The following SNX29 variants were observed in gnomAD, a reference collection of about 807,000 sequenced individuals.
SNX29 encodes the protein sorting nexin 29.
In SNX29, 78 loss-of-function variants were observed where a neutral mutation model predicts 102.1. That is an observed-to-expected ratio of 0.76 (90% CI 0.64 to 0.92). The LOEUF is 0.92. Ranked by LOEUF, SNX29 falls within the 40% of genes least tolerant of loss-of-function variation. The pLI, the probability that SNX29 is intolerant of heterozygous loss-of-function variation, is 0.00. For synonymous variants in SNX29, 580 were observed against 414.5 expected (o/e 1.40, Z -4.85); for missense variants, 1,280 against 1,061.7 (o/e 1.21, Z -2.86).
At chr16:12,368,041 C>CTGT (rs1295102952) in intron 16 of SNX29, among the ~76,000 whole-genome samples, 2 of 152,234 alleles carry the variant, frequency 1.3e-5, no homozygotes, top group South Asian at 4.1e-4. Context: ...ATGCTCCTTG[C>CTGT]TGTTCATGCA....
chr16:11,979,285 A>AAG (rs2150956906), intron 1 of SNX29, among the ~76,000 whole-genome samples: 1 of 151,336 alleles, frequency 6.6e-6, no homozygotes, highest in East Asian at 1.9e-4. Flanking sequence ...CAAAAAAAAA[A>AAG]AAAAAAAAAA....
intron 4 of SNX29, among the ~76,000 whole-genome samples, chr16:12,033,057 G>A (rs776154132): frequency 2.6e-5 from 4 of 151,952 alleles, no homozygotes; most frequent in Non-Finnish European, 5.9e-5. Context: ...GTTTCACCAC[G>A]TTGGCCAGGC....
intron 14 of SNX29, among the ~76,000 whole-genome samples, chr16:12,269,947 A>G (rs1462586750): frequency 6.6e-6 from 1 of 151,698 alleles, no homozygotes; most frequent in Non-Finnish European, 1.5e-5. Context: ...TGCAGTTTCC[A>G]TCTCCCAGGT....
At chr16:12,143,318 C>G (rs1230274525) in intron 13 of SNX29, among the ~76,000 whole-genome samples, 1 of 152,132 alleles carries the variant, frequency 6.6e-6, no homozygotes, top group Non-Finnish European at 1.5e-5. Context: ...AAGATTTTAA[C>G]CTTCAGTCTG....
chr16:12,283,228 T>C (rs1002307755), intron 15 of SNX29, among the ~76,000 whole-genome samples: 2 of 152,096 alleles, frequency 1.3e-5, no homozygotes, highest in Admixed American at 1.3e-4. Flanking sequence ...GCAGTGTTGA[T>C]GGTTGTAGGA....
At chr16:12,471,140 C>T (rs1290028568) in intron 18 of SNX29, among the ~76,000 whole-genome samples, 2 of 152,214 alleles carry the variant, frequency 1.3e-5, no homozygotes, top group Non-Finnish European at 2.9e-5. Flanking sequence ...TTGGCACACC[C>T]TTAAACCAGA....
chr16:12,570,626 A>T lies in SNX29; in HGVS notation c.*1997A>T, dbSNP rs1430422239. The T allele has an allele frequency of 4.3e-6, 1 of 232,018 alleles. No homozygotes were observed. Among genetic ancestry groups the T allele is most frequent in the Admixed American group, 5.6e-5 (1 of 17,726 alleles). The allele number at this position is 232,018 out of a possible 1,614,324, so 14.4% of individuals were successfully genotyped here. Reference sequence around the variant, plus strand: ...GTCATCTCCCTGTTCTCTGTTGGATAAAGGAACCTCCCCCATCTGTGACAT... The same window carrying T: ...GTCATCTCCCTGTTCTCTGTTGGATTAAGGAACCTCCCCCATCTGTGACAT... On this transcript the variant is annotated 3_prime_UTR_variant, in exon 21 of 21. Transcript: ENST00000566228.
chr16:12,568,279 C>G (rs1233200369), intron 20 of SNX29, among the ~76,000 whole-genome samples: 1 of 144,274 alleles, frequency 6.9e-6, no homozygotes, highest in Non-Finnish European at 1.5e-5. Flanking sequence ...CACAGCCAAG[C>G]TTGGTTGGAG....
At chr16:12,010,106 T>C (rs185602367) in intron 3 of SNX29, among the ~76,000 whole-genome samples, 163 of 152,358 alleles carry the variant, frequency 1.1e-3, no homozygotes, top group African/African-American at 3.8e-3. Context: ...TATAATGGTA[T>C]TCACTTCAGA....
intron 14 of SNX29, among the ~76,000 whole-genome samples, chr16:12,270,110 C>T (rs2079047821): frequency 6.6e-6 from 1 of 152,140 alleles, no homozygotes; most frequent in Non-Finnish European, 1.5e-5. Context: ...ATCCACCCAC[C>T]TTGGCCTCCC....
At chr16:12,302,190 T>G (rs1175388541) in intron 15 of SNX29, among the ~76,000 whole-genome samples, 1 of 152,206 alleles carries the variant, frequency 6.6e-6, no homozygotes, top group Non-Finnish European at 1.5e-5. Context: ...TCGTAACTAT[T>G]CACCTCCGTC....
chr16:12,453,771 T>C (rs1195315973), intron 18 of SNX29, among the ~76,000 whole-genome samples: 2 of 152,164 alleles, frequency 1.3e-5, no homozygotes, highest in Non-Finnish European at 2.9e-5. Context: ...CTGCTTGATA[T>C]TGTCATTTAT....
chr16:12,063,715 G>A (rs1244541873), intron 9 of SNX29, among the ~76,000 whole-genome samples: 3 of 151,436 alleles, frequency 2.0e-5, no homozygotes, highest in Non-Finnish European at 2.9e-5. Flanking sequence ...TCATTCTCAT[G>A]CCCTCCTTGG....
chr16:12,061,384 C>T, intron 8 of SNX29, 144 bp from the exon 9 acceptor site: 3 of 647,242 alleles, frequency 4.6e-6, no homozygotes, highest in Non-Finnish European at 5.4e-6. Flanking sequence ...ACTCCACGCT[C>T]TACCTCCCAG....
intron 14 of SNX29, among the ~76,000 whole-genome samples, chr16:12,273,023 T>A (rs2079137561): frequency 6.6e-6 from 1 of 152,212 alleles, no homozygotes; most frequent in South Asian, 2.1e-4. Flanking sequence ...GGAAATGCTA[T>A]CTACAGCTGT....
intron 2 of SNX29, among the ~76,000 whole-genome samples, 165 bp downstream of exon 2, chr16:11,999,523 C>T (rs562415644): frequency 4.6e-5 from 7 of 152,296 alleles, no homozygotes; most frequent in South Asian, 4.1e-4. Context: ...GCAGTGAACA[C>T]GGTCAAGGTT....
chr16:12,483,113 A>ATTTTTTTT (rs2088027764), intron 19 of SNX29, among the ~76,000 whole-genome samples: 3 of 60,484 alleles, frequency 5.0e-5, no homozygotes, highest in Admixed American at 1.8e-4. Context: ...GAAGTTATTA[A>ATTTTTTTT]GTTTTTTTTT....
At chr16:12,347,987 G>A (rs1453206425) in intron 15 of SNX29, among the ~76,000 whole-genome samples, 2 of 151,922 alleles carry the variant, frequency 1.3e-5, no homozygotes, top group Admixed American at 6.6e-5. Context: ...GCTGAGACAG[G>A]AGGATTGCTT....
At chr16:12,376,289 G>T (rs899678217) in intron 16 of SNX29, among the ~76,000 whole-genome samples, 6 of 152,208 alleles carry the variant, frequency 3.9e-5, no homozygotes, top group Non-Finnish European at 7.3e-5. Flanking sequence ...CAGGCTGAAT[G>T]CCAGGTGAAG....
Sources: gnomAD v4.1 joint callset for allele counts (sites outside exome capture counted in the v4.1 genomes callset) on GRCh38, gnomAD v4.1.1 for gene constraint, MANE v1.5 for transcripts, NCBI Gene and HGNC (gene_info 2026-07-23, HGNC 2026-07-21) for gene names.